Variants in MAK observed in about 807,000 individuals in gnomAD.
The protein encoded by MAK is serine/threonine-protein kinase MAK.
In MAK, 65 loss-of-function variants were observed where a neutral mutation model predicts 82.6. That is an observed-to-expected ratio of 0.79 (90% CI 0.64 to 0.97). MAK has a LOEUF of 0.97. Ranked by LOEUF, MAK falls within the 50% of genes least tolerant of loss-of-function variation. MAK has a pLI of 0.00. For synonymous variants in MAK, 250 were observed against 274.2 expected (o/e 0.91, Z 0.87); for missense variants, 703 against 780.2 (o/e 0.90, Z 1.18).
At chr6:10,801,846 C>T in intron 8 of MAK, 46 bp downstream of exon 8, 6 of 1,590,634 alleles carry the variant, frequency 3.8e-6, no homozygotes, top group South Asian at 1.1e-5. Flanking sequence ...CCTGATATTA[C>T]AAAACCTAAA....
At chr6:10,803,575 A>G in intron 7 of MAK, 145 bp downstream of exon 7, 3 of 674,380 alleles carry the variant, frequency 4.4e-6, no homozygotes, top group Non-Finnish European at 7.5e-6. Context: ...AAGAAAATTA[A>G]TCATTAAAGT....
At chr6:10,786,299 T>C (rs1005753943) in intron 10 of MAK, among the ~76,000 whole-genome samples, 1 of 152,154 alleles carries the variant, frequency 6.6e-6, no homozygotes, top group African/African-American at 2.4e-5. Flanking sequence ...GGTATACATG[T>C]TAGTATTTGG....
At position 10,796,097 on chromosome 6, in the gene MAK, C is replaced by A; in HGVS notation, c.1044G>T (p.Gln348His). 1 of 1,614,132 alleles carries A rather than the reference C, an allele frequency of 6.2e-7. No homozygotes were observed. Among genetic ancestry groups the A allele is most frequent in the Non-Finnish European group, 8.5e-7 (1 of 1,180,026 alleles). ...KTSQQPLQPI[Q>H]PPQNLSVQQP... ...GCTGGACGCTCAGGTTCTGTGGCGG[C>A]TGAATGGGCTGCAGTGGCTGCTGGC... The change falls in exon 9 of 15, where the codon CAG becomes CAT. Residue 348 changes from glutamine to histidine, a missense_variant. Physicochemically the swap from Gln to His is conservative, Grantham distance 24. Coordinates refer to ENST00000354489, the MANE Select transcript of MAK (RefSeq NM_001242957.3).
chr6:10,813,588 C>T, intron 5 of MAK, 56 bp downstream of exon 5: 1 of 975,222 alleles, frequency 1.0e-6, no homozygotes, highest in Non-Finnish European at 1.7e-6. Context: ...AATTTGTATG[C>T]ACAATCTGGA....
chr6:10,794,114 A>G (rs768975492), intron 9 of MAK, among the ~76,000 whole-genome samples: 3 of 152,232 alleles, frequency 2.0e-5, no homozygotes, highest in Admixed American at 6.5e-5. Flanking sequence ...CAAATATCTA[A>G]AAGGCTGCCT....
intron 5 of MAK, among the ~76,000 whole-genome samples, chr6:10,811,299 A>T (rs1471192656): frequency 6.6e-6 from 1 of 152,192 alleles, no homozygotes; most frequent in African/African-American, 2.4e-5. Flanking sequence ...ACGCCCGGCC[A>T]AACAACTATT....
At chr6:10,777,161 C>T (rs914885157) in intron 11 of MAK, among the ~76,000 whole-genome samples, 1 of 152,058 alleles carries the variant, frequency 6.6e-6, no homozygotes, top group Non-Finnish European at 1.5e-5. Context: ...AATCCCAGCA[C>T]TTTGGGAGGC....
At chr6:10,783,395 G>A (rs1371374148) in intron 11 of MAK, among the ~76,000 whole-genome samples, 1 of 152,036 alleles carries the variant, frequency 6.6e-6, no homozygotes, top group Non-Finnish European at 1.5e-5. Flanking sequence ...CAGGCATCCC[G>A]CACTCAGCTC....
chr6:10,803,639 A>G, intron 7 of MAK, 81 bp downstream of exon 7: 15 of 1,241,138 alleles, frequency 1.2e-5, no homozygotes, highest in Non-Finnish European at 1.7e-5. Flanking sequence ...GTTGTAAATA[A>G]TCAAAATTAT....
intron 10 of MAK, among the ~76,000 whole-genome samples, chr6:10,791,397 G>C (rs1775070699): frequency 6.6e-6 from 1 of 152,108 alleles, no homozygotes. Flanking sequence ...TTCCCGAGTA[G>C]CTGGGATTAC....
chr6:10,814,731 A>G (rs1777328239), intron 4 of MAK, among the ~76,000 whole-genome samples: 1 of 151,558 alleles, frequency 6.6e-6, no homozygotes, highest in Non-Finnish European at 1.5e-5. Flanking sequence ...TCTATTCTGC[A>G]TATTGGTGTT....
chr6:10,822,016 G>T (rs547594617), intron 2 of MAK, among the ~76,000 whole-genome samples: 1 of 151,562 alleles, frequency 6.6e-6, no homozygotes, highest in Non-Finnish European at 1.5e-5. Flanking sequence ...GCGTGGTGGC[G>T]GGCGCCTGTA....
chr6:10,826,161 G>T (rs1778353425), intron 2 of MAK, among the ~76,000 whole-genome samples: 2 of 151,972 alleles, frequency 1.3e-5, no homozygotes, highest in Admixed American at 1.3e-4. Context: ...CAGTTACTCA[G>T]CCCCAGTTAG....
At chr6:10,783,997 C>A (rs376224773) in intron 11 of MAK, among the ~76,000 whole-genome samples, 48 of 151,854 alleles carry the variant, frequency 3.2e-4, no homozygotes, top group Non-Finnish European at 1.5e-5. Context: ...CCAGCCTGGG[C>A]GACAGAGCGA....
chr6:10,764,665 TAA>T (rs1772234005), intron 14 of MAK, 59 bp from the exon 15 acceptor site: 1 of 1,460,084 alleles, frequency 6.8e-7, no homozygotes, highest in Non-Finnish European at 9.6e-7. Flanking sequence ...AAACTCAAAA[TAA>T]AGAAATTCAT....
intron 11 of MAK, among the ~76,000 whole-genome samples, chr6:10,779,968 G>A (rs890701778): frequency 1.8e-4 from 28 of 152,236 alleles, no homozygotes; most frequent in South Asian, 6.2e-4. Flanking sequence ...GATTACAGGC[G>A]TGAGCCACCG....
At position 10,803,852 on chromosome 6, in the gene MAK, A is replaced by G. The variant is rs749659651; in HGVS notation, c.531T>C (p.Tyr177=). Residue 177 remains tyrosine, a synonymous_variant, in exon 7 of 15, where the codon TAT becomes TAC. Coordinates refer to ENST00000354489, the MANE Select transcript of MAK (RefSeq NM_001242957.3). ...APEVLLRSSV[Y]SSPIDVWAVG... ...CAGCCCACACATCAATGGGAGAACT[A>G]TAAACTGAAGATCTCAGTAAAACTT... The G allele has an allele frequency of 1.2e-6, 2 of 1,614,036 alleles. No homozygotes were observed. The highest frequency in any genetic ancestry group is 1.7e-6 in the Non-Finnish European group (2 of 1,180,002).
chr6:10,777,406 C>T (rs1306653660), intron 11 of MAK, among the ~76,000 whole-genome samples: 5 of 64,264 alleles, frequency 7.8e-5, no homozygotes, highest in Admixed American at 4.8e-4. Context: ...GCAAGACTGT[C>T]ACAAAAAAAA....
intron 4 of MAK, among the ~76,000 whole-genome samples, chr6:10,815,945 T>TATATATATATATATAAATAA (rs1171616235): frequency 4.3e-5 from 5 of 116,860 alleles, no homozygotes; most frequent in African/African-American, 1.9e-4. Flanking sequence ...TATATATATA[T>TATATATATATATATAAATAA]ATGTATGTTT....
Sources: gnomAD v4.1 joint callset for allele counts (sites outside exome capture counted in the v4.1 genomes callset) on GRCh38, gnomAD v4.1.1 for gene constraint, MANE v1.5 for transcripts, NCBI Gene and HGNC (gene_info 2026-07-23, HGNC 2026-07-21) for gene names.